The following COL19A1 variants were observed in gnomAD, a reference collection of about 807,000 sequenced individuals.
COL19A1 encodes the protein collagen alpha-1(XIX) chain.
A neutral mutation model predicts 190.2 loss-of-function variants in COL19A1; 159 were observed. The ratio of observed to expected loss-of-function variants is 0.84; its 90% CI spans 0.73 to 0.95. The LOEUF (loss-of-function observed/expected upper bound fraction) is 0.95. Among genes scored for constraint, COL19A1 ranks in the 40% least tolerant of loss-of-function variants. The pLI, the probability that COL19A1 is intolerant of heterozygous loss-of-function variation, is 0.00. For synonymous variants in COL19A1, 509 were observed against 458.9 expected (o/e 1.11, Z -1.39); for missense variants, 1,418 against 1,431.9 (o/e 0.99, Z 0.16).
chr6:70,180,065 T>C (rs1766071435), intron 42 of COL19A1, among the ~76,000 whole-genome samples: 2 of 152,126 alleles, frequency 1.3e-5, no homozygotes, highest in African/African-American at 4.8e-5. Context: ...GTATTATTTT[T>C]AGTAGAGACA....
At chr6:69,905,832 G>A (rs1770515214) in intron 4 of COL19A1, among the ~76,000 whole-genome samples, 1 of 152,120 alleles carries the variant, frequency 6.6e-6, no homozygotes, top group Non-Finnish European at 1.5e-5. Context: ...CAGTATTTAT[G>A]GGATAGCAAA....
rs1402625112 is a variant in COL19A1 at position 69,962,792 on chromosome 6, T to G, written c.982-34T>G. The G allele has an allele frequency of 8.8e-6, 13 of 1,474,978 alleles. No individual in the cohort carries two copies. The East Asian group carries it at 9.4e-5, about 11-fold the overall frequency. The allele number at this position is 1,474,978 out of a possible 1,614,324, so 91.4% of individuals were successfully genotyped here. A position where few individuals can be genotyped will look rare whatever the true frequency, so the allele number is the denominator to read the frequency against. On this transcript the variant is annotated intron_variant, in intron 10 of 50. Coordinates refer to ENST00000620364, the MANE Select transcript of COL19A1 (RefSeq NM_001858.6). ...ATTGCATGTGTTATAAGTATCATTT[T>G]TATTACTATACACATCATATTCCTC...
chr6:70,183,834 G>A (rs942686287), intron 44 of COL19A1, among the ~76,000 whole-genome samples: 1 of 152,174 alleles, frequency 6.6e-6, no homozygotes, highest in African/African-American at 2.4e-5. Context: ...GCAAGTCCAT[G>A]CAATTGCCTG....
In COL19A1 at chr6:69,938,050, T is replaced by C. The variant is rs1377240404; in HGVS notation, c.886T>C (p.Leu296=). The part of the protein sequence containing the change: ...QCIPNKGEAG[L]PGAPGSPGQK... ...CATTTTTGCTCAGGGAGAAGCAGGATTACCAGGAGCTCCGGGTTCACCTGG... is the reference window on the plus strand; with the variant it reads ...CATTTTTGCTCAGGGAGAAGCAGGACTACCAGGAGCTCCGGGTTCACCTGG... Residue 296 remains leucine, a synonymous_variant, in exon 9 of 51, where the codon TTA becomes CTA. Transcript: ENST00000620364. The C allele has an allele frequency of 6.2e-7, 1 of 1,612,704 alleles. No individual in the cohort carries two copies. Among genetic ancestry groups the C allele is most frequent in the South Asian group, 1.1e-5 (1 of 91,038 alleles).
intron 14 of COL19A1, among the ~76,000 whole-genome samples, chr6:70,065,682 T>C (rs1781143220): frequency 6.6e-6 from 1 of 152,050 alleles, no homozygotes; most frequent in African/African-American, 2.4e-5. Context: ...ACCTACAGAA[T>C]GGGAGAAAAT....
chr6:70,057,139 C>A (rs1780551770), intron 14 of COL19A1, among the ~76,000 whole-genome samples: 1 of 152,138 alleles, frequency 6.6e-6, no homozygotes, highest in Non-Finnish European at 1.5e-5. Context: ...TGCAGTAGAA[C>A]CATGTTCATG....
At chr6:69,963,378 C>T (rs563602559) in intron 11 of COL19A1, among the ~76,000 whole-genome samples, 13 of 152,234 alleles carry the variant, frequency 8.5e-5, no homozygotes, top group African/African-American at 2.2e-4. Flanking sequence ...TATAAGAAAA[C>T]CATAGGGATT....
chr6:69,881,069 A>C (rs1212854306), intron 2 of COL19A1, among the ~76,000 whole-genome samples: 1 of 152,196 alleles, frequency 6.6e-6, no homozygotes. Flanking sequence ...TCCAATTTTA[A>C]CATGAAAAAG....
Position 70,035,895 on chromosome 6 carries a change from C to A in COL19A1, c.1135-9C>A. ...GTGGTAATTGTAGCTTTTCTTTAAT[C>A]TATTTTAGGGAGATACAGGACCCCC... is the stretch of plus-strand genomic sequence containing the variant. On this transcript the variant is annotated splice_polypyrimidine_tract_variant and intron_variant, in intron 13 of 50. Transcript: ENST00000620364. The A allele has an allele frequency of 6.2e-7, 1 of 1,610,608 alleles. No individual in the cohort carries two copies. The highest frequency in any genetic ancestry group is 8.5e-7 in the Non-Finnish European group (1 of 1,177,780).
At chr6:70,045,779 C>A (rs1779878391) in intron 14 of COL19A1, among the ~76,000 whole-genome samples, 1 of 152,216 alleles carries the variant, frequency 6.6e-6, no homozygotes, top group Non-Finnish European at 1.5e-5. Context: ...GCCCTAAACT[C>A]TGTCCTCAGA....
intron 31 of COL19A1, among the ~76,000 whole-genome samples, chr6:70,155,607 A>C (rs1231875510): frequency 6.6e-6 from 1 of 152,168 alleles, no homozygotes; most frequent in African/African-American, 2.4e-5. Flanking sequence ...ATTTCTCTCG[A>C]GTGCCTCCAC....
At chr6:69,962,773 T>C (rs997371857) in intron 10 of COL19A1, 53 bp from the exon 11 acceptor site, 3 of 1,207,194 alleles carry the variant, frequency 2.5e-6, no homozygotes, top group East Asian at 2.5e-5. Context: ...AAAAATTGCA[T>C]GTGTTATAAG....
chr6:70,089,091 A>G (rs1334760655), intron 15 of COL19A1, among the ~76,000 whole-genome samples: 1 of 152,120 alleles, frequency 6.6e-6, no homozygotes, highest in Non-Finnish European at 1.5e-5. Flanking sequence ...GCCTCTGGAG[A>G]TCTTGACATC....
chr6:70,198,912 T>G (rs972868254), intron 48 of COL19A1, among the ~76,000 whole-genome samples: 2 of 152,218 alleles, frequency 1.3e-5, no homozygotes, highest in South Asian at 4.1e-4. Context: ...CTGGATGATC[T>G]GCTTCCAAGT....
At chr6:69,915,919 T>C (rs1771263916) in intron 4 of COL19A1, among the ~76,000 whole-genome samples, 2 of 150,408 alleles carry the variant, frequency 1.3e-5, no homozygotes, top group African/African-American at 2.5e-5. Context: ...TTCCTGAAAA[T>C]TACACTCATC....
intron 15 of COL19A1, chr6:70,098,591 T>C (rs2150183769): frequency 9.5e-6 from 4 of 423,060 alleles, no homozygotes; most frequent in Non-Finnish European, 1.8e-5. Context: ...ACAGGATGAC[T>C]TCTGAAGGTG....
At chr6:69,923,261 G>A (rs1439661208) in intron 4 of COL19A1, among the ~76,000 whole-genome samples, 1 of 152,098 alleles carries the variant, frequency 6.6e-6, no homozygotes, top group Admixed American at 6.6e-5. Context: ...AGGCTTTATG[G>A]CATTTTAACT....
rs115978170 is a variant in COL19A1, at chr6:70,131,971, C to G, written c.1383+1748C>G. Among the ~76,000 whole-genome samples the G allele has an allele frequency of 2.6e-3, 403 of 152,302 alleles. 2 individuals are homozygous for G. The highest frequency in any genetic ancestry group is 9.0e-3 in the African/African-American group (373 of 41,564). The stretch of plus-strand genomic sequence containing the variant: ...GAATTAGGAAAAGCCAGTGGCATAA[C>G]TGTTCCCTCCTCTCACTCAAATAAA... On this transcript the variant is annotated intron_variant, in intron 18 of 50. Coordinates refer to ENST00000620364, the MANE Select transcript of COL19A1 (RefSeq NM_001858.6).
chr6:70,064,851 T>C (rs981372516), intron 14 of COL19A1, among the ~76,000 whole-genome samples: 3 of 152,086 alleles, frequency 2.0e-5, no homozygotes, highest in Non-Finnish European at 4.4e-5. Context: ...TGAACTCCCA[T>C]TCACAATTGC....
Sources: gnomAD v4.1 joint callset for allele counts (sites outside exome capture counted in the v4.1 genomes callset) on GRCh38, gnomAD v4.1.1 for gene constraint, MANE v1.5 for transcripts, NCBI Gene and HGNC (gene_info 2026-07-23, HGNC 2026-07-21) for gene names.